GPC5: variants seen among roughly 807,000 people sequenced by gnomAD.
The protein encoded by GPC5 is glypican 5.
In GPC5, 47 loss-of-function variants were observed where a neutral mutation model predicts 53.9. The ratio of observed to expected loss-of-function variants is 0.87; its 90% CI spans 0.69 to 1.11. The LOEUF is 1.11. Ranked by LOEUF, GPC5 falls within the 50% of genes most tolerant of loss-of-function variation. The probability of loss-of-function intolerance (pLI) is 0.00; values close to 1 mark genes in which losing one functional copy is unlikely to be tolerated. For synonymous variants in GPC5, 286 were observed against 263.3 expected (o/e 1.09, Z -0.84); for missense variants, 748 against 713.1 (o/e 1.05, Z -0.56).
At chr13:92,228,437 TC>T (rs576111731) in intron 7 of GPC5, among the ~76,000 whole-genome samples, 3 of 151,640 alleles carry the variant, frequency 2.0e-5, no homozygotes, top group Admixed American at 2.0e-4. Flanking sequence ...ATTCAAGAGG[TC>T]CTTTACACAT....
At chr13:92,133,214 G>A (rs776029973) in intron 6 of GPC5, among the ~76,000 whole-genome samples, 10 of 152,138 alleles carry the variant, frequency 6.6e-5, no homozygotes, top group Admixed American at 1.3e-4. Context: ...GCATATCTTT[G>A]TCTACAATTT....
At chr13:92,073,471 T>G (rs1441476840) in intron 6 of GPC5, among the ~76,000 whole-genome samples, 1 of 152,190 alleles carries the variant, frequency 6.6e-6, no homozygotes, top group African/African-American at 2.4e-5. Context: ...ATGTAGGGCC[T>G]TCTGTGTCTT....
chr13:92,064,682 G>C (rs1485374358), intron 6 of GPC5, among the ~76,000 whole-genome samples: 1 of 148,622 alleles, frequency 6.7e-6, no homozygotes, highest in Non-Finnish European at 1.5e-5. Flanking sequence ...GCTTGAACCT[G>C]GGAGGCAGAG....
At chr13:91,730,378 G>C (rs9589348) in intron 4 of GPC5, among the ~76,000 whole-genome samples, 1 of 152,072 alleles carries the variant, frequency 6.6e-6, no homozygotes, top group Admixed American at 6.6e-5. Flanking sequence ...CTACCTTCTC[G>C]TGTGCCTTGT....
intron 7 of GPC5, among the ~76,000 whole-genome samples, chr13:92,642,878 A>C (rs1422485331): frequency 2.6e-5 from 4 of 152,174 alleles, no homozygotes; most frequent in Non-Finnish European, 5.9e-5. Flanking sequence ...AGACCAGGCC[A>C]AGGGACTTTA....
intron 6 of GPC5, among the ~76,000 whole-genome samples, chr13:92,026,808 G>A (rs1454987487): frequency 6.6e-6 from 1 of 152,060 alleles, no homozygotes; most frequent in East Asian, 1.9e-4. Flanking sequence ...GGTGAAATAG[G>A]AAAACTAGCT....
intron 4 of GPC5, among the ~76,000 whole-genome samples, chr13:91,745,771 A>G (rs933539843): frequency 3.9e-5 from 6 of 152,148 alleles, no homozygotes; most frequent in Non-Finnish European, 5.9e-5. Context: ...TATGAATGTC[A>G]TGTGCTTGAA....
At chr13:92,858,164 C>T (rs1646617799) in intron 7 of GPC5, among the ~76,000 whole-genome samples, 1 of 152,108 alleles carries the variant, frequency 6.6e-6, no homozygotes, top group Admixed American at 6.6e-5. Flanking sequence ...TTGTAGTTCC[C>T]ATAATTCCCC....
At chr13:91,816,601 T>C (rs1248777780) in intron 5 of GPC5, among the ~76,000 whole-genome samples, 2 of 151,182 alleles carry the variant, frequency 1.3e-5, no homozygotes, top group Non-Finnish European at 2.9e-5. Context: ...TTACAATTTT[T>C]ATTTATAGTA....
chr13:92,574,414 G>A (rs1044137965), intron 7 of GPC5, among the ~76,000 whole-genome samples: 8 of 151,986 alleles, frequency 5.3e-5, no homozygotes, highest in Non-Finnish European at 1.0e-4. Flanking sequence ...TTCAAAGTTT[G>A]TTGTATTTTC....
At chr13:91,720,032 G>C (rs1052488888) in intron 3 of GPC5, among the ~76,000 whole-genome samples, 17 of 152,092 alleles carry the variant, frequency 1.1e-4, no homozygotes, top group African/African-American at 4.1e-4. Flanking sequence ...TTTTGCAATA[G>C]AAGTATTTTG....
chr13:92,545,322 T>G (rs945698915), intron 7 of GPC5, among the ~76,000 whole-genome samples: 4 of 152,172 alleles, frequency 2.6e-5, no homozygotes, highest in Admixed American at 2.0e-4. Context: ...TCTATCATTG[T>G]TGGACATCTG....
chr13:92,685,546 T>TTTTTTTTTTTTTAA (rs756443134), intron 7 of GPC5, among the ~76,000 whole-genome samples: 13,326 of 91,550 alleles, frequency 0.15, 1,145 homozygotes, highest in Non-Finnish European at 0.2. Flanking sequence ...TTATGCTCAT[T>TTTTTTTTTTTTTAA]TTTTTTTTTT....
At chr13:92,259,977 A>G (rs1425431216) in intron 7 of GPC5, among the ~76,000 whole-genome samples, 1 of 152,122 alleles carries the variant, frequency 6.6e-6, no homozygotes, top group African/African-American at 2.4e-5. Context: ...AGACCCAACA[A>G]ACTCTGGGAA....
At chr13:92,216,748 G>GGT (rs1305898915) in intron 7 of GPC5, among the ~76,000 whole-genome samples, 4 of 152,112 alleles carry the variant, frequency 2.6e-5, no homozygotes, top group African/African-American at 7.2e-5. Flanking sequence ...GGGAGGCCAA[G>GGT]GTGGGCGGAC....
intron 7 of GPC5, among the ~76,000 whole-genome samples, chr13:92,381,372 C>T (rs187450738): frequency 3.3e-5 from 5 of 152,060 alleles, no homozygotes; most frequent in African/African-American, 1.2e-4. Context: ...GATAGATGAA[C>T]ATTAGAAAGG....
chr13:92,519,309 A>G (rs1275343424), intron 7 of GPC5, among the ~76,000 whole-genome samples: 1 of 152,226 alleles, frequency 6.6e-6, no homozygotes, highest in Non-Finnish European at 1.5e-5. Flanking sequence ...CTCCACCCCA[A>G]ATCAACAGAA....
At chr13:92,386,280 T>A (rs954801252) in intron 7 of GPC5, among the ~76,000 whole-genome samples, 1 of 152,028 alleles carries the variant, frequency 6.6e-6, no homozygotes, top group Admixed American at 6.6e-5. Flanking sequence ...CTGAAACCTT[T>A]TGCAAAACTA....
intron 5 of GPC5, among the ~76,000 whole-genome samples, chr13:91,901,986 CTCA>C (rs1383315689): frequency 6.6e-6 from 1 of 151,930 alleles, no homozygotes; most frequent in Non-Finnish European, 1.5e-5. Flanking sequence ...CAAGAAAGCT[CTCA>C]TCAAGTGTTT....
Sources: allele counts gnomAD v4.1 joint callset (sites outside exome capture counted in the v4.1 genomes callset), GRCh38; gene constraint gnomAD v4.1.1; transcripts MANE v1.5; gene names NCBI Gene and HGNC (gene_info 2026-07-23, HGNC 2026-07-21).